The following REV3L variants were observed in gnomAD, a reference collection of about 807,000 sequenced individuals.
REV3L encodes the protein DNA polymerase zeta catalytic subunit.
A neutral mutation model predicts 299.4 loss-of-function variants in REV3L; 69 were observed. That is an observed-to-expected ratio of 0.23 (90% CI 0.19 to 0.28). REV3L has a LOEUF of 0.28. Ranked by LOEUF, REV3L falls within the 10% of genes least tolerant of loss-of-function variation. The pLI is 1.00. For missense variants in REV3L, 3,128 were observed against 3,693.8 expected, an observed-to-expected ratio of 0.85 and a Z score of 3.97; for synonymous variants, 1,238 against 1,271.4, an observed-to-expected ratio of 0.97 and a Z score of 0.56.
intron 22 of REV3L, among the ~76,000 whole-genome samples, chr6:111,335,184 T>C (rs948277269): frequency 2.0e-5 from 3 of 152,178 alleles, no homozygotes; most frequent in Non-Finnish European, 4.4e-5. Flanking sequence ...AAAGGTACTT[T>C]CTTTGTTGCT....
chr6:111,376,260 C>T lies in REV3L; in HGVS notation c.2095G>A (p.Glu699Lys), dbSNP rs1345340727. Residue 699 changes from glutamate (E) to lysine (K), a missense_variant, in exon 13 of 32, where the codon GAG becomes AAG. Coordinates refer to ENST00000368802, the MANE Select transcript of REV3L (RefSeq NM_001372078.1). ...PFIHMHRHPN[E>K]NTLGKNSFNF... ...AAAGAATTTTTGCCCAATGTATTCT[C>T]GTTAGGGTGACGGTGCATATGTATA... is the stretch of plus-strand genomic sequence containing the variant. 1.9e-6 allele frequency: 3 copies of T among 1,613,804 alleles called. No homozygotes were observed. The highest frequency in any genetic ancestry group is 2.2e-5 in the East Asian group (1 of 44,850).
chr6:111,471,035 C>T (rs1792141458), intron 1 of REV3L, among the ~76,000 whole-genome samples: 1 of 151,898 alleles, frequency 6.6e-6, no homozygotes, highest in African/African-American at 2.4e-5. Context: ...TAAACAAAAC[C>T]TAGGAATGTA....
intron 31 of REV3L, among the ~76,000 whole-genome samples, chr6:111,303,165 C>CTTTCTTTCTTTCTTTTTTTTTTTTT (rs4038141): frequency 1.1e-5 from 1 of 92,342 alleles, no homozygotes; most frequent in African/African-American, 3.9e-5. Flanking sequence ...TCTTTTCTTT[C>CTTTCTTTCTTTCTTTTTTTTTTTTT]TTTTTTTTTT....
intron 1 of REV3L, among the ~76,000 whole-genome samples, chr6:111,439,756 C>T (rs1333089221): frequency 6.6e-6 from 1 of 152,128 alleles, no homozygotes; most frequent in Non-Finnish European, 1.5e-5. Flanking sequence ...GCCCGTTTGA[C>T]CCACTACAGC....
intron 2 of REV3L, among the ~76,000 whole-genome samples, chr6:111,412,642 T>C (rs1784366015): frequency 6.6e-6 from 1 of 152,088 alleles, no homozygotes; most frequent in Non-Finnish European, 1.5e-5. Context: ...ATCACCTCTC[T>C]GTGATGTCTA....
At chr6:111,405,412 C>T in intron 4 of REV3L, 58 bp downstream of exon 4, 1 of 1,251,228 alleles carries the variant, frequency 8.0e-7, no homozygotes, top group Non-Finnish European at 1.1e-6. Flanking sequence ...GACTATATAA[C>T]ACTTGTTTCA....
At chr6:111,476,891 C>T (rs1415109395) in intron 1 of REV3L, among the ~76,000 whole-genome samples, 1 of 152,074 alleles carries the variant, frequency 6.6e-6, no homozygotes, top group Non-Finnish European at 1.5e-5. Context: ...ATTTCTGGAA[C>T]CATATCTAGA....
intron 1 of REV3L, among the ~76,000 whole-genome samples, chr6:111,458,385 C>G (rs373026189): frequency 6.6e-6 from 1 of 152,124 alleles, no homozygotes; most frequent in Non-Finnish European, 1.5e-5. Flanking sequence ...GACAATGATG[C>G]TCACTTTCAC....
intron 1 of REV3L, among the ~76,000 whole-genome samples, chr6:111,469,486 TGTA>T (rs1791920232): frequency 6.6e-6 from 1 of 152,176 alleles, no homozygotes; most frequent in Non-Finnish European, 1.5e-5. Flanking sequence ...AATAGATTGT[TGTA>T]GTAATGGCCC....
chr6:111,374,533 T>C lies in REV3L; in HGVS notation c.3822A>G (p.Val1274=), dbSNP rs1415372954. The C allele has an allele frequency of 1.2e-6, 2 of 1,613,978 alleles. No individual in the cohort carries two copies. Among genetic ancestry groups the C allele is most frequent in the African/African-American group, 1.3e-5 (1 of 74,946 alleles). The change falls in exon 13 of 32, where the codon GTA becomes GTG. Residue 1274 remains valine, a synonymous_variant. Coordinates refer to ENST00000368802, the MANE Select transcript of REV3L (RefSeq NM_001372078.1). ...GTAGGGAAGCAGAAAGGGGATGATC[T>C]ACAGCAGAGCCCATTAGTGGCATAT... ...QKDMPLMGSA[V]DHPLSASLPT...
At chr6:111,367,008 G>C (rs1370406105) in intron 14 of REV3L, 107 bp downstream of exon 14, 7 of 927,648 alleles carry the variant, frequency 7.5e-6, no homozygotes, top group African/African-American at 1.7e-5. Flanking sequence ...TATTTGCTGA[G>C]CTATACCTTC....
Position 111,307,546 on chromosome 6 carries a change from G to A in REV3L, c.9067C>T (p.Arg3023Ter). ...CCTTTCCGCCCTTCAGGTTCACTTC[G>A]CGAGGAGCTGGTAGCTTTATGGATC... Reference protein sequence around the residue: ...PRIHKATSSSRSEPEGRKGTI... With the variant: ...PRIHKATSSS Residue 3023 changes from arginine (R) to a stop codon, truncating the protein, a stop_gained, in exon 31 of 32, where the codon CGA becomes TGA. Coordinates refer to ENST00000368802, the MANE Select transcript of REV3L (RefSeq NM_001372078.1). LOFTEE classifies it high-confidence loss of function. The A allele has an allele frequency of 6.2e-7, 1 of 1,614,140 alleles. No homozygotes were observed. The highest frequency in any genetic ancestry group is 8.5e-7 in the Non-Finnish European group (1 of 1,180,032).
intron 4 of REV3L, among the ~76,000 whole-genome samples, chr6:111,396,539 T>C (rs574832018): frequency 6.6e-6 from 1 of 152,228 alleles, no homozygotes; most frequent in African/African-American, 2.4e-5. Context: ...CCTCTTCAAA[T>C]TTCTAGACTA....
intron 1 of REV3L, among the ~76,000 whole-genome samples, chr6:111,442,951 G>C (rs1788438471): frequency 6.6e-6 from 1 of 151,620 alleles, no homozygotes; most frequent in Admixed American, 6.6e-5. Flanking sequence ...TTTGTTTCTG[G>C]GACAGGATTT....
intron 1 of REV3L, among the ~76,000 whole-genome samples, chr6:111,456,609 T>C (rs1381661818): frequency 2.0e-5 from 3 of 152,152 alleles, no homozygotes; most frequent in Admixed American, 6.6e-5. Flanking sequence ...TCCTATTAGG[T>C]AAAGCAGAGA....
chr6:111,455,906 T>A (rs1407944777), intron 1 of REV3L, among the ~76,000 whole-genome samples: 3 of 152,202 alleles, frequency 2.0e-5, no homozygotes, highest in Non-Finnish European at 4.4e-5. Context: ...TCAGTCAAGA[T>A]GGAATGCACA....
intron 1 of REV3L, among the ~76,000 whole-genome samples, chr6:111,448,093 T>C (rs955518249): frequency 1.3e-5 from 2 of 152,166 alleles, no homozygotes; most frequent in Non-Finnish European, 2.9e-5. Context: ...GCTGTTCATA[T>C]AAATAAGCAA....
intron 16 of REV3L, 112 bp downstream of exon 16, chr6:111,363,741 G>A: frequency 2.1e-6 from 2 of 949,426 alleles, no homozygotes; most frequent in South Asian, 2.0e-5. Context: ...AGATTAATAG[G>A]ATAGAATTCA....
chr6:111,300,524 A>G (rs112610130), intron 31 of REV3L, among the ~76,000 whole-genome samples: 3 of 152,354 alleles, frequency 2.0e-5, no homozygotes, highest in African/African-American at 7.2e-5. Context: ...TCATATGCCA[A>G]TCATAAAAAA....
Sources: allele counts gnomAD v4.1 joint callset (sites outside exome capture counted in the v4.1 genomes callset), GRCh38; gene constraint gnomAD v4.1.1; transcripts MANE v1.5; gene names NCBI Gene and HGNC (gene_info 2026-07-23, HGNC 2026-07-21).